The following DAPK1 variants were observed in gnomAD, a reference collection of about 807,000 sequenced individuals.
DAPK1 encodes death associated protein kinase 1.
DAPK1 carries 56 observed loss-of-function variants against 144.9 expected under a neutral mutation model. That is an observed-to-expected ratio of 0.39 (90% confidence interval 0.31 to 0.48). The LOEUF (loss-of-function observed/expected upper bound fraction) is 0.48. Ranked by LOEUF, DAPK1 falls within the 20% of genes least tolerant of loss-of-function variation. DAPK1 has a pLI of 0.95. For missense variants in DAPK1, 1,454 were observed against 1,875.4 expected, an observed-to-expected ratio of 0.78 and a Z score of 4.15; for synonymous variants, 690 against 749.0, an observed-to-expected ratio of 0.92 and a Z score of 1.29.
In DAPK1 at chr9:87,526,258, T is replaced by A. The variant is rs36230214; in HGVS notation, c.62+27119T>A. Among the ~76,000 whole-genome samples, 1,009 of 152,340 alleles carry A rather than the reference T, an allele frequency of 6.6e-3. 13 individuals carry two copies. Among genetic ancestry groups the A allele is most frequent in the African/African-American group, 0.023 (971 of 41,566 alleles). On this transcript the variant is annotated intron_variant, in intron 2 of 25. Coordinates refer to ENST00000408954, the MANE Select transcript of DAPK1 (RefSeq NM_004938.4). The stretch of plus-strand genomic sequence containing the variant: ...AAATGCATAGTCATGGAACTACTAC[T>A]GCAATCAGGACGTATAATAGTTCAT...
chr9:87,529,243 A>G lies in DAPK1; in HGVS notation c.62+30104A>G, dbSNP rs368487568. The stretch of plus-strand genomic sequence containing the variant: ...TTTCATTTCTGCTCTAGCGCTTTTC[A>G]ATAAGCTTTCACTCCTGCTCTAAAA... On this transcript the variant is annotated intron_variant, in intron 2 of 25. Transcript: ENST00000408954. Among the ~76,000 whole-genome samples the G allele has an allele frequency of 1.1e-4, 16 of 152,260 alleles. No individual in the cohort carries two copies. In the East Asian group the frequency reaches 3.1e-3, roughly 29 times the overall value.
intron 19 of DAPK1, among the ~76,000 whole-genome samples, chr9:87,677,414 G>A (rs1483968249): frequency 3.3e-5 from 5 of 152,180 alleles, no homozygotes. Context: ...AGGGCCTGTG[G>A]GATTCCTGCA....
chr9:87,633,443 T>C, intron 3 of DAPK1: 1 of 945,932 alleles, frequency 1.1e-6, no homozygotes, highest in Non-Finnish European at 1.3e-6. Flanking sequence ...TCCTAACCTT[T>C]CTAATGTCTA....
chr9:87,652,857 A>T (rs1451770866), intron 17 of DAPK1, among the ~76,000 whole-genome samples: 12 of 100,772 alleles, frequency 1.2e-4, no homozygotes, highest in East Asian at 2.9e-4. Flanking sequence ...TTCTGTGTCC[A>T]TCCCCCCGAT....
At chr9:87,540,418 C>T (rs1242375969) in intron 2 of DAPK1, among the ~76,000 whole-genome samples, 1 of 152,044 alleles carries the variant, frequency 6.6e-6, no homozygotes, top group Non-Finnish European at 1.5e-5. Flanking sequence ...CTCGAACTCC[C>T]AACCTCAGGT....
chr9:87,499,567 A>G (rs1824318832), intron 2 of DAPK1, among the ~76,000 whole-genome samples: 1 of 152,218 alleles, frequency 6.6e-6, no homozygotes, highest in Admixed American at 6.5e-5. Context: ...CTAAATTTTC[A>G]GTGTAATTTG....
rs768461236 is a variant in DAPK1 at position 87,707,394 on chromosome 9, T to C, written c.*30T>C. ...AGCCTCTGGCTTGGGCAGGGTCTGT[T>C]TGGACTGCAGAAGCAAGGGGGTGAT... On this transcript the variant is annotated 3_prime_UTR_variant, in exon 26 of 26. Coordinates refer to ENST00000408954, the MANE Select transcript of DAPK1 (RefSeq NM_004938.4). This position sits in a 1 kb window ranked among gnomAD's most constrained non-coding sequence, Gnocchi z 4.0. 6.6e-7 allele frequency: 1 copy of C among 1,504,256 alleles called. No individual in the cohort carries two copies. Among genetic ancestry groups the C allele is most frequent in the South Asian group, 1.2e-5 (1 of 80,968 alleles). 93.2% of individuals were successfully genotyped at this position (1,504,256 alleles called of 1,614,324 possible).
At chr9:87,645,480 T>TC (rs1830235535) in intron 11 of DAPK1, among the ~76,000 whole-genome samples, 1 of 152,256 alleles carries the variant, frequency 6.6e-6, no homozygotes, top group Non-Finnish European at 1.5e-5. Flanking sequence ...TATTCAAAGG[T>TC]ATCATTTCTT....
Position 87,543,647 on chromosome 9 carries a change from C to T in DAPK1, c.62+44508C>T, listed in dbSNP as rs185806421. Among the ~76,000 whole-genome samples, 108 of 152,160 alleles carry T rather than the reference C, an allele frequency of 7.1e-4. 1 individual carries two copies. Among genetic ancestry groups the T allele is most frequent in the African/African-American group, 2.4e-3 (100 of 41,516 alleles). On this transcript the variant is annotated intron_variant, in intron 2 of 25. Coordinates refer to ENST00000408954, the MANE Select transcript of DAPK1 (RefSeq NM_004938.4). ...ATTGTTTGGCAGTACAGTTTGTGAG[C>T]TGGATAAGGTAATAAAAACTTGGGA...
intron 14 of DAPK1, chr9:87,648,560 C>T (rs1338945773): frequency 3.3e-5 from 17 of 510,314 alleles, no homozygotes; most frequent in Middle Eastern, 5.1e-4. Flanking sequence ...TTGCACTTCA[C>T]AGGATGAGCC....
At chr9:87,537,620 TATATG>T (rs1437317219) in intron 2 of DAPK1, among the ~76,000 whole-genome samples, 1 of 145,996 alleles carries the variant, frequency 6.8e-6, no homozygotes, top group African/African-American at 2.6e-5. Flanking sequence ...GGTAAGTAGA[TATATG>T]TATGTGGCAT....
At chr9:87,503,913 TA>T (rs1824498681) in intron 2 of DAPK1, among the ~76,000 whole-genome samples, 1 of 152,210 alleles carries the variant, frequency 6.6e-6, no homozygotes, top group Non-Finnish European at 1.5e-5. Context: ...AATTCAAGTT[TA>T]AAACATTCCC....
intron 2 of DAPK1, among the ~76,000 whole-genome samples, chr9:87,563,394 C>T (rs1563996059): frequency 6.6e-6 from 1 of 152,194 alleles, no homozygotes; most frequent in Non-Finnish European, 1.5e-5. Context: ...TGAACACCTG[C>T]ACTAACACTA....
chr9:87,616,433 C>G (rs181115517), intron 3 of DAPK1, among the ~76,000 whole-genome samples: 81 of 152,284 alleles, frequency 5.3e-4, no homozygotes, highest in Non-Finnish European at 1.1e-3. Context: ...GCTCAAGAAC[C>G]AGTTAGTTGA....
chr9:87,630,190 C>G lies in DAPK1; in HGVS notation c.285-7753C>G, dbSNP rs999668638. Among the ~76,000 whole-genome samples, 9 of 152,290 alleles carry G rather than the reference C, an allele frequency of 5.9e-5. No individual in the cohort carries two copies. In the East Asian group the frequency reaches 1.7e-3, roughly 29 times the overall value. ...ATAAGATAATTGTCATGATTAAAGC[C>G]TAAGGTTCTGGGGAGATTTGTTACA... On this transcript the variant is annotated intron_variant, in intron 3 of 25. Coordinates refer to ENST00000408954, the MANE Select transcript of DAPK1 (RefSeq NM_004938.4).
At chr9:87,570,385 T>G (rs1241861673) in intron 2 of DAPK1, among the ~76,000 whole-genome samples, 1 of 152,264 alleles carries the variant, frequency 6.6e-6, no homozygotes, top group Non-Finnish European at 1.5e-5. Flanking sequence ...TTTAGGGAAC[T>G]AATTTTATAA....
chr9:87,520,390 G>A (rs1825250613), intron 2 of DAPK1, among the ~76,000 whole-genome samples: 1 of 152,154 alleles, frequency 6.6e-6, no homozygotes, highest in Non-Finnish European at 1.5e-5. Flanking sequence ...GGAGAGCCAA[G>A]TCCTCCCTGT....
At chr9:87,635,218 C>T (rs1829848926) in intron 3 of DAPK1, among the ~76,000 whole-genome samples, 1 of 152,028 alleles carries the variant, frequency 6.6e-6, no homozygotes, top group Non-Finnish European at 1.5e-5. Flanking sequence ...GAGGCCAGGG[C>T]AGCATGGGGT....
chr9:87,604,539 C>T (rs1828644543), intron 2 of DAPK1, among the ~76,000 whole-genome samples: 1 of 151,938 alleles, frequency 6.6e-6, no homozygotes, highest in South Asian at 2.1e-4. Flanking sequence ...GAAGGCAGGA[C>T]TTCATATATA....
Sources: allele counts gnomAD v4.1 joint callset (sites outside exome capture counted in the v4.1 genomes callset), GRCh38; gene constraint gnomAD v4.1.1; non-coding constraint Gnocchi (gnomAD v3.1); transcripts MANE v1.5; gene names NCBI Gene and HGNC (gene_info 2026-07-23, HGNC 2026-07-21).